Variants in GRAMD4 observed in about 807,000 individuals in gnomAD.
The protein encoded by GRAMD4 is GRAM domain containing 4.
In GRAMD4, 25 loss-of-function variants were observed where a neutral mutation model predicts 83.9. The observed-to-expected ratio is 0.30, with a 90% CI of 0.22 to 0.42. The LOEUF (loss-of-function observed/expected upper bound fraction) is 0.42, where lower values mean the gene tolerates loss of function less well. GRAMD4 is among the 10% of genes least tolerant of loss of function. GRAMD4 has a pLI of 1.00. For synonymous variants in GRAMD4, 336 were observed against 320.9 expected (o/e 1.05, Z -0.50); for missense variants, 593 against 788.7 (o/e 0.75, Z 2.97).
At chr22:46,660,086 G>A (rs925256511) in intron 4 of GRAMD4, among the ~76,000 whole-genome samples, 2 of 152,094 alleles carry the variant, frequency 1.3e-5, no homozygotes, top group Non-Finnish European at 2.9e-5. Flanking sequence ...TCTCACTCCC[G>A]CCAGCCCCAC....
chr22:46,626,823 C>T lies in GRAMD4; in HGVS notation c.24C>T (p.Ile8=). The stretch of plus-strand genomic sequence containing the variant: ...ACATGCTAAGGAGGTTGGACAAAAT[C>T]AGGTTCAGAGGTCACAAGAGAGATG... MLRRLDK[I]RFRGHKRDDF... Residue 8 remains isoleucine, a synonymous_variant, in exon 2 of 19, where the codon ATC becomes ATT. Coordinates refer to ENST00000406902, the MANE Select transcript of GRAMD4 (RefSeq NM_015124.5). The T allele has an allele frequency of 6.2e-7, 1 of 1,613,854 alleles. No individual in the cohort carries two copies. The highest frequency in any genetic ancestry group is 8.5e-7 in the Non-Finnish European group (1 of 1,179,720).
Position 46,677,961 on chromosome 22 carries a change from CCG to C in GRAMD4, c.*713_*714del. On this transcript the variant is annotated 3_prime_UTR_variant, in exon 19 of 19. Transcript: ENST00000406902. Reference sequence around the variant, plus strand: ...TTGCTGGCCTCCAGGGCGCTCAGCACCGCGTCTGTAAGGGCCTGCCTGCTGCT... The same window carrying C: ...TTGCTGGCCTCCAGGGCGCTCAGCACCGTCTGTAAGGGCCTGCCTGCTGCT... 5 of 985,424 alleles carry C rather than the reference CCG, an allele frequency of 5.1e-6. No homozygotes were observed. Among genetic ancestry groups the C allele is most frequent in the Non-Finnish European group, 6.0e-6 (5 of 829,842 alleles). 61.0% of individuals were successfully genotyped at this position (985,424 alleles called of 1,614,324 possible).
intron 3 of GRAMD4, among the ~76,000 whole-genome samples, chr22:46,644,697 GTTTTTTTTTTT>G (rs71192437): frequency 2.8e-4 from 27 of 97,370 alleles, no homozygotes; most frequent in African/African-American, 8.0e-4. Context: ...CTTGTTCCCT[GTTTTTTTTTTT>G]TTTTTTTTTT....
At chr22:46,643,084 T>TCCATCCATCCCTGGATCCATCTGTCC (rs2081999322) in intron 3 of GRAMD4, among the ~76,000 whole-genome samples, 1 of 76,326 alleles carries the variant, frequency 1.3e-5, no homozygotes, top group Non-Finnish European at 2.4e-5. Context: ...TCTATCCATT[T>TCCATCCATCCCTGGATCCATCTGTCC]ATCCATCCAT....
chr22:46,620,013 G>A (rs1227875890), upstream of GRAMD4, among the ~76,000 whole-genome samples: 4 of 152,210 alleles, frequency 2.6e-5, no homozygotes, highest in African/African-American at 9.7e-5. The surrounding 1 kb of genome is among the most constrained non-coding windows in gnomAD (Gnocchi z 4.7). Flanking sequence ...CTGATGTGGA[G>A]GTCAGCTGTG....
At chr22:46,616,393 CGTGT>C (rs2081494631), upstream of GRAMD4, among the ~76,000 whole-genome samples, 3 of 51,490 alleles carry the variant, frequency 5.8e-5, no homozygotes, top group Admixed American at 1.8e-4. Flanking sequence ...TTCCCCTGTG[CGTGT>C]AGGTTCCCCT....
chr22:46,634,531 C>T (rs1001479005), intron 2 of GRAMD4, among the ~76,000 whole-genome samples: 1 of 152,204 alleles, frequency 6.6e-6, no homozygotes, highest in Non-Finnish European at 1.5e-5. Context: ...CAGGTGCCAG[C>T]CTGGTCCTTG....
intron 17 of GRAMD4, 53 bp from the exon 18 acceptor site, chr22:46,676,547 G>A: frequency 6.7e-7 from 1 of 1,495,780 alleles, no homozygotes; most frequent in African/African-American, 1.4e-5. Context: ...GGAGGGCTGT[G>A]CCTCCCTGTC....
chr22:46,578,255 C>T lies in GRAMD4; in HGVS notation c.-50+965C>T, dbSNP rs149214012. On this transcript the variant is annotated intron_variant, in intron 1 of 1. Coordinates refer to the GRAMD4 transcript ENST00000431155. ...TCTCCTACATGCCAAAAAGGAGGTG[C>T]CTGAGTCCCAGCCCAGTGCAGCCCT... Among the ~76,000 whole-genome samples the T allele has an allele frequency of 2.6e-5, 4 of 152,244 alleles. No homozygotes were observed. The East Asian group carries it at 7.7e-4, about 29-fold the overall frequency.
At chr22:46,603,732 G>A (rs1392535610) in intron 1 of GRAMD4, among the ~76,000 whole-genome samples, 3 of 151,164 alleles carry the variant, frequency 2.0e-5, no homozygotes, top group East Asian at 1.9e-4. Flanking sequence ...TAGCCAGGAT[G>A]GTCTCGATCT....
chr22:46,632,712 T>G (rs1168039965), intron 2 of GRAMD4, among the ~76,000 whole-genome samples: 3 of 152,216 alleles, frequency 2.0e-5, no homozygotes, highest in African/African-American at 7.2e-5. Flanking sequence ...CTCACCACCC[T>G]GGTATCCAGG....
At chr22:46,586,803 G>C (rs988888232) in intron 1 of GRAMD4, among the ~76,000 whole-genome samples, 1 of 152,178 alleles carries the variant, frequency 6.6e-6, no homozygotes, top group African/African-American at 2.4e-5. Context: ...AGGGTCCTCT[G>C]TCTTCCTGCC....
chr22:46,674,620 C>G, intron 15 of GRAMD4, 37 bp from the exon 16 acceptor site: 1 of 1,387,366 alleles, frequency 7.2e-7, no homozygotes, highest in Non-Finnish European at 1.0e-6. Context: ...TGGGTACTTC[C>G]AGTGGAAAGT....
At chr22:46,655,619 G>A (rs2082231847) in intron 3 of GRAMD4, among the ~76,000 whole-genome samples, 1 of 152,206 alleles carries the variant, frequency 6.6e-6, no homozygotes, top group Non-Finnish European at 1.5e-5. Context: ...AGGGCTGGGG[G>A]GTAGCTCCCT....
chr22:46,597,018 AC>A (rs2081268141), intron 1 of GRAMD4, among the ~76,000 whole-genome samples: 3 of 152,014 alleles, frequency 2.0e-5, no homozygotes, highest in African/African-American at 7.2e-5. Context: ...CCATCTGTCA[AC>A]CTGCTGGACT....
At chr22:46,577,714 C>T (rs933980542) in intron 1 of GRAMD4, among the ~76,000 whole-genome samples, 1 of 152,134 alleles carries the variant, frequency 6.6e-6, no homozygotes, top group African/African-American at 2.4e-5. Context: ...AGGAGGGCGC[C>T]CCAGCCCCTG....
intron 3 of GRAMD4, among the ~76,000 whole-genome samples, chr22:46,652,922 A>G (rs562452715): frequency 3.3e-5 from 5 of 152,254 alleles, no homozygotes; most frequent in Non-Finnish European, 5.9e-5. Flanking sequence ...ACTGCAGTTG[A>G]CCTGAATGTG....
At chr22:46,656,835 G>T (rs1234939816) in intron 3 of GRAMD4, among the ~76,000 whole-genome samples, 1 of 152,234 alleles carries the variant, frequency 6.6e-6, no homozygotes, top group Non-Finnish European at 1.5e-5. Context: ...AGGTCTCAGC[G>T]TGTCCGCCCC....
At chr22:46,664,175 C>A in intron 8 of GRAMD4, 58 bp downstream of exon 8, 2 of 1,249,002 alleles carry the variant, frequency 1.6e-6, no homozygotes, top group African/African-American at 1.5e-5. Context: ...CCAGCATTCA[C>A]CACATGATCA....
Sources: allele counts gnomAD v4.1 joint callset (sites outside exome capture counted in the v4.1 genomes callset), GRCh38; gene constraint gnomAD v4.1.1; non-coding constraint Gnocchi (gnomAD v3.1); transcripts MANE v1.5; gene names NCBI Gene and HGNC (gene_info 2026-07-23, HGNC 2026-07-21).